The following ZMYM2 variants were observed in gnomAD, a reference collection of about 807,000 sequenced individuals.
ZMYM2 encodes the protein zinc finger MYM-type protein 2.
In ZMYM2, 56 loss-of-function variants were observed where a neutral mutation model predicts 162.8. The ratio of observed to expected loss-of-function variants is 0.34; its 90% CI spans 0.28 to 0.43. ZMYM2 has a LOEUF of 0.43. Ranked by LOEUF, ZMYM2 falls within the 20% of genes least tolerant of loss-of-function variation. The pLI is 1.00. For missense variants in ZMYM2, 1,275 were observed against 1,621.8 expected, an observed-to-expected ratio of 0.79 and a Z score of 3.67; for synonymous variants, 510 against 541.6, an observed-to-expected ratio of 0.94 and a Z score of 0.81.
chr13:19,886,268 G>A, the ZMYM2 span, among the ~76,000 whole-genome samples: 5 of 146,184 alleles, frequency 3.4e-5, no homozygotes, highest in Admixed American at 2.8e-4. Context: ...GGGTTCAAGC[G>A]ATTCTCCTGC....
chr13:19,875,829 G>A, the ZMYM2 span, among the ~76,000 whole-genome samples: 2 of 151,816 alleles, frequency 1.3e-5, no homozygotes, highest in African/African-American at 4.8e-5. Context: ...AAAAAGCGGG[G>A]AGGAAAAGAG....
intron 2 of ZMYM2, chr13:19,965,274 T>A (rs539406134): frequency 1.5e-5 from 19 of 1,296,182 alleles, no homozygotes; most frequent in Non-Finnish European, 1.6e-5. Context: ...ATCTCTGGAC[T>A]TACTAGTGTA....
the ZMYM2 span, among the ~76,000 whole-genome samples, chr13:19,914,204 C>CA: frequency 6.6e-6 from 1 of 152,046 alleles, no homozygotes; most frequent in African/African-American, 2.4e-5. Flanking sequence ...TCTGAATGGG[C>CA]AAAAAATGTG....
In ZMYM2 at chr13:19,993,541, A is replaced by G. The variant is rs1949792951; in HGVS notation, c.469A>G (p.Thr157Ala). Reference protein sequence around the residue: ...KNRTNDVDFSTSSFSRSKVNA... With the variant: ...KNRTNDVDFSASSFSRSKVNA... ...CAGAACCAATGATGTGGATTTCTCC[A>G]CTTCCAGTTTTTCAAGAAGTAAGGT... is the stretch of plus-strand genomic sequence containing the variant. Residue 157 changes from threonine (T) to alanine (A), a missense_variant, in exon 3 of 25, where the codon ACT (threonine) becomes GCT (alanine). Transcript: ENST00000610343. 1.2e-6 allele frequency: 2 copies of G among 1,613,898 alleles called. No homozygotes were observed. Among genetic ancestry groups the G allele is most frequent in the Admixed American group, 1.7e-5 (1 of 59,982 alleles).
intron 12 of ZMYM2, among the ~76,000 whole-genome samples, chr13:20,038,996 C>A (rs1364443395): frequency 6.6e-6 from 1 of 152,078 alleles, no homozygotes; most frequent in Non-Finnish European, 1.5e-5. Flanking sequence ...TTTTCACCTC[C>A]CTGATTGGCT....
the ZMYM2 span, among the ~76,000 whole-genome samples, chr13:19,878,468 T>C: frequency 1.3e-5 from 2 of 152,104 alleles, no homozygotes; most frequent in Admixed American, 1.3e-4. Flanking sequence ...ATGTGCTTAC[T>C]GGCATTCATG....
At chr13:19,901,909 A>G in the ZMYM2 span, among the ~76,000 whole-genome samples, 2 of 151,904 alleles carry the variant, frequency 1.3e-5, no homozygotes, top group Non-Finnish European at 1.5e-5. Context: ...CTCCCATCCT[A>G]CCTCTCAAGT....
intron 21 of ZMYM2, among the ~76,000 whole-genome samples, chr13:20,069,520 G>GT (rs1392078137): frequency 7.7e-4 from 112 of 144,820 alleles, no homozygotes; most frequent in Admixed American, 1.4e-3. Context: ...GCTGAGAGTT[G>GT]TTTTTTTTTT....
chr13:20,029,110 C>T (rs1594452094), intron 9 of ZMYM2, among the ~76,000 whole-genome samples: 1 of 152,330 alleles, frequency 6.6e-6, no homozygotes, highest in East Asian at 1.9e-4. Context: ...ATACCTTAGA[C>T]TGGTAGCTTA....
upstream of ZMYM2, among the ~76,000 whole-genome samples, chr13:19,955,038 C>G (rs1954479550): frequency 6.6e-6 from 1 of 151,836 alleles, no homozygotes; most frequent in South Asian, 2.1e-4. Context: ...TCTCAAACTC[C>G]CGATCTCAAG....
chr13:19,917,760 G>A, the ZMYM2 span, among the ~76,000 whole-genome samples: 1 of 152,060 alleles, frequency 6.6e-6, no homozygotes, highest in African/African-American at 2.4e-5. Flanking sequence ...CATGAATATA[G>A]TATGAAAAAT....
At chr13:20,053,351 CA>C (rs1032977240) in intron 14 of ZMYM2, among the ~76,000 whole-genome samples, 1 of 152,142 alleles carries the variant, frequency 6.6e-6, no homozygotes, top group African/African-American at 2.4e-5. Flanking sequence ...GGTTTCAACC[CA>C]AAAATTCTGT....
chr13:20,062,842 T>A lies in ZMYM2; in HGVS notation c.2912-4T>A, dbSNP rs1956331374. 2.6e-6 allele frequency: 4 copies of A among 1,563,304 alleles called. No individual in the cohort carries two copies. In the South Asian group the frequency reaches 3.6e-5, roughly 14 times the overall value. On this transcript the variant is annotated splice_polypyrimidine_tract_variant and splice_region_variant and intron_variant, in intron 17 of 24. Coordinates refer to ENST00000610343, the MANE Select transcript of ZMYM2 (RefSeq NM_197968.4). ...TTCCTAATGATAATATGGATTGATTTCAGGTGTAATTATTGAAACAGATAT... is the reference window on the plus strand; with the variant it reads ...TTCCTAATGATAATATGGATTGATTACAGGTGTAATTATTGAAACAGATAT...
chr13:19,912,521 A>G, the ZMYM2 span, among the ~76,000 whole-genome samples: 1 of 151,838 alleles, frequency 6.6e-6, no homozygotes, highest in Non-Finnish European at 1.5e-5. Context: ...TCTTGTAGAC[A>G]TGGAGTCTCA....
chr13:20,024,026 C>T (rs1952352590), intron 7 of ZMYM2, among the ~76,000 whole-genome samples: 1 of 151,890 alleles, frequency 6.6e-6, no homozygotes, highest in Admixed American at 6.6e-5. Context: ...CCTCTGCCTC[C>T]CAGGTTCAAG....
At chr13:20,009,831 C>A (rs1416893995) in intron 6 of ZMYM2, among the ~76,000 whole-genome samples, 1 of 152,244 alleles carries the variant, frequency 6.6e-6, no homozygotes, top group East Asian at 1.9e-4. Context: ...ATAGATGTTG[C>A]TTTGTTGCCA....
At chr13:19,991,170 GTGGCACAATCGTAGC>G (rs953783733) in intron 2 of ZMYM2, among the ~76,000 whole-genome samples, 13 of 151,610 alleles carry the variant, frequency 8.6e-5, no homozygotes, top group African/African-American at 1.5e-4. Context: ...CTGGAATATA[GTGGCACAATCGTAGC>G]TCACTGCAAC....
At chr13:20,072,700 G>C (rs1037817070) in intron 21 of ZMYM2, among the ~76,000 whole-genome samples, 1 of 152,062 alleles carries the variant, frequency 6.6e-6, no homozygotes, top group South Asian at 2.1e-4. Flanking sequence ...GTGTGGATGG[G>C]TGTGGTTTTT....
At chr13:19,970,644 A>G (rs1315795490) in intron 2 of ZMYM2, among the ~76,000 whole-genome samples, 1 of 148,840 alleles carries the variant, frequency 6.7e-6, no homozygotes, top group African/African-American at 2.5e-5. Context: ...CAGAAAGGTT[A>G]TTTGTTAAAG....
Sources: gnomAD v4.1 joint callset for allele counts (sites outside exome capture counted in the v4.1 genomes callset) on GRCh38, gnomAD v4.1.1 for gene constraint, MANE v1.5 for transcripts, NCBI Gene and HGNC (gene_info 2026-07-23, HGNC 2026-07-21) for gene names.